FRMD6: variants seen among roughly 807,000 people sequenced by gnomAD.
FRMD6 encodes the protein FERM domain-containing protein 6.
Under a neutral mutation model 73.2 loss-of-function variants are expected in FRMD6, and 37 were observed. That is an observed-to-expected ratio of 0.51 (90% CI 0.39 to 0.66). The LOEUF is 0.66. Ranked by LOEUF, FRMD6 falls within the 30% of genes least tolerant of loss-of-function variation. The pLI is 0.00. For synonymous variants in FRMD6, 273 were observed against 282.2 expected (o/e 0.97, Z 0.33); for missense variants, 714 against 780.5 (o/e 0.91, Z 1.02).
At chr14:51,697,645 A>G (rs1433901666) in intron 2 of FRMD6, among the ~76,000 whole-genome samples, 1 of 152,186 alleles carries the variant, frequency 6.6e-6, no homozygotes, top group African/African-American at 2.4e-5. Context: ...TTCTCACCAC[A>G]AAAAGATACA....
At chr14:51,560,097 A>G (rs1312979516) in intron 1 of FRMD6, among the ~76,000 whole-genome samples, 9 of 152,186 alleles carry the variant, frequency 5.9e-5, no homozygotes, top group African/African-American at 1.7e-4. Context: ...ATAATAGTAG[A>G]CACTAGCAAT....
intron 1 of FRMD6, among the ~76,000 whole-genome samples, chr14:51,558,696 A>T (rs533300360): frequency 1.2e-3 from 189 of 152,294 alleles, no homozygotes; most frequent in Non-Finnish European, 1.7e-3. Flanking sequence ...GACCACCCTT[A>T]TGAATATCAG....
intron 2 of FRMD6, among the ~76,000 whole-genome samples, chr14:51,595,026 C>T (rs898281819): frequency 1.3e-5 from 2 of 152,136 alleles, no homozygotes; most frequent in Non-Finnish European, 2.9e-5. Context: ...TCAGCCTCAA[C>T]GGAAGGGGTA....
At chr14:51,430,236 T>C in the FRMD6 span, among the ~76,000 whole-genome samples, 1 of 152,198 alleles carries the variant, frequency 6.6e-6, no homozygotes, top group Non-Finnish European at 1.5e-5. Flanking sequence ...CTCTGTGAGT[T>C]TTCAGAATTT....
chr14:51,660,341 A>C (rs9671722), intron 1 of FRMD6, among the ~76,000 whole-genome samples: 2 of 151,958 alleles, frequency 1.3e-5, no homozygotes, highest in African/African-American at 4.8e-5. Context: ...ATCAAGGATG[A>C]TCACATAGGA....
chr14:51,558,172 T>A (rs1887257439), intron 1 of FRMD6, among the ~76,000 whole-genome samples: 1 of 152,132 alleles, frequency 6.6e-6, no homozygotes, highest in Non-Finnish European at 1.5e-5. Flanking sequence ...AAATACCTTT[T>A]TAAAAATTAA....
At chr14:51,580,159 ATC>A (rs1323701736) in intron 2 of FRMD6, among the ~76,000 whole-genome samples, 4 of 151,612 alleles carry the variant, frequency 2.6e-5, no homozygotes, top group African/African-American at 9.7e-5. Flanking sequence ...TATGTTTGTG[ATC>A]TGTCAACCCA....
At chr14:51,688,333 GTATATA>G (rs1895317462) in intron 1 of FRMD6, among the ~76,000 whole-genome samples, 1 of 151,986 alleles carries the variant, frequency 6.6e-6, no homozygotes, top group African/African-American at 2.4e-5. Flanking sequence ...ATGAAGTACC[GTATATA>G]TGATTACCAT....
intron 1 of FRMD6, among the ~76,000 whole-genome samples, chr14:51,537,054 T>C (rs1566800035): frequency 6.6e-6 from 1 of 152,224 alleles, no homozygotes; most frequent in African/African-American, 2.4e-5. Context: ...ATAGTGTATA[T>C]TAGAGTTCGC....
chr14:51,725,421 A>G (rs1429552719), intron 12 of FRMD6, among the ~76,000 whole-genome samples: 1 of 152,234 alleles, frequency 6.6e-6, no homozygotes, highest in Admixed American at 6.5e-5. Flanking sequence ...CTGAATAGAA[A>G]GGGGAAGAGG....
the FRMD6 span, among the ~76,000 whole-genome samples, chr14:51,439,462 G>A: frequency 1.3e-5 from 2 of 152,048 alleles, no homozygotes; most frequent in South Asian, 2.1e-4. Context: ...AAGTAGGTAC[G>A]TCAGTCTTTA....
intron 2 of FRMD6, among the ~76,000 whole-genome samples, chr14:51,645,851 A>G (rs1395689677): frequency 6.6e-6 from 1 of 152,208 alleles, no homozygotes; most frequent in Non-Finnish European, 1.5e-5. Flanking sequence ...CAGGGTAACT[A>G]AATTAAAACA....
At chr14:51,453,550 TTAGTAAA>T in the FRMD6 span, among the ~76,000 whole-genome samples, 1 of 152,172 alleles carries the variant, frequency 6.6e-6, no homozygotes, top group African/African-American at 2.4e-5. Flanking sequence ...TTGGAAAACT[TTAGTAAA>T]TAGATATTTT....
intron 1 of FRMD6, among the ~76,000 whole-genome samples, chr14:51,512,761 A>G (rs150189882): frequency 8.7e-4 from 133 of 152,226 alleles, no homozygotes; most frequent in Non-Finnish European, 1.8e-3. Context: ...GCTGGAACCA[A>G]CTCAACTCTG....
At chr14:51,633,976 G>A (rs769018252) in intron 2 of FRMD6, among the ~76,000 whole-genome samples, 43 of 151,912 alleles carry the variant, frequency 2.8e-4, no homozygotes, top group Non-Finnish European at 5.7e-4. Context: ...AAATGTGATG[G>A]CAGGTTTACA....
chr14:51,564,663 G>A (rs190590197), intron 1 of FRMD6, among the ~76,000 whole-genome samples: 2 of 152,276 alleles, frequency 1.3e-5, no homozygotes, highest in East Asian at 3.9e-4. Flanking sequence ...TAGAAAGAGA[G>A]GTCAAGGGCT....
the FRMD6 span, among the ~76,000 whole-genome samples, chr14:51,416,902 A>C: frequency 1.3e-5 from 2 of 152,222 alleles, no homozygotes; most frequent in Non-Finnish European, 2.9e-5. Context: ...CTTTACCATT[A>C]TGTAATGGCC....
At chr14:51,457,992 G>C in the FRMD6 span, among the ~76,000 whole-genome samples, 1 of 152,170 alleles carries the variant, frequency 6.6e-6, no homozygotes, top group East Asian at 1.9e-4. Flanking sequence ...GATCAGCTTG[G>C]GTTCTGACAT....
the FRMD6 span, among the ~76,000 whole-genome samples, chr14:51,419,220 G>A: frequency 2.0e-5 from 3 of 152,200 alleles, no homozygotes; most frequent in African/African-American, 7.2e-5. Flanking sequence ...GACGAACCAG[G>A]TACCTCAGTT....
Sources: gnomAD v4.1 joint callset for allele counts (sites outside exome capture counted in the v4.1 genomes callset) on GRCh38, gnomAD v4.1.1 for gene constraint, MANE v1.5 for transcripts, NCBI Gene and HGNC (gene_info 2026-07-23, HGNC 2026-07-21) for gene names.